The following FRMD4A variants were observed in gnomAD, a reference collection of about 807,000 sequenced individuals.
FRMD4A encodes FERM domain containing 4A.
Under a neutral mutation model 129.1 loss-of-function variants are expected in FRMD4A, and 29 were observed. The ratio of observed to expected loss-of-function variants is 0.22; its 90% CI spans 0.17 to 0.31. The LOEUF (loss-of-function observed/expected upper bound fraction) is 0.31. Ranked by LOEUF, FRMD4A falls within the 10% of genes least tolerant of loss-of-function variation. FRMD4A has a pLI of 1.00. For missense variants in FRMD4A, 1,272 were observed against 1,375.8 expected (o/e 0.92, Z 1.19); for synonymous variants, 634 against 571.6 (o/e 1.11, Z -1.56).
intron 2 of FRMD4A, among the ~76,000 whole-genome samples, chr10:14,183,903 A>G (rs1295306234): frequency 7.2e-5 from 11 of 152,226 alleles, no homozygotes; most frequent in Non-Finnish European, 1.6e-4. Flanking sequence ...AACTTTGTGA[A>G]CAGTATTGAC....
At chr10:13,998,968 G>T (rs910639264) in intron 2 of FRMD4A, among the ~76,000 whole-genome samples, 4 of 152,132 alleles carry the variant, frequency 2.6e-5, no homozygotes, top group Admixed American at 2.0e-4. Flanking sequence ...TGCCAGCTGG[G>T]CTCCTAACTC....
At chr10:14,144,828 G>C (rs897993485) in intron 2 of FRMD4A, among the ~76,000 whole-genome samples, 1 of 152,120 alleles carries the variant, frequency 6.6e-6, no homozygotes, top group African/African-American at 2.4e-5. Flanking sequence ...GTGATGAAGA[G>C]CAGCAGAGGA....
intron 2 of FRMD4A, among the ~76,000 whole-genome samples, chr10:14,231,637 T>C (rs950233168): frequency 6.6e-6 from 1 of 152,222 alleles, no homozygotes; most frequent in African/African-American, 2.4e-5. Context: ...TGAGCCACTG[T>C]GCCCGGCCTC....
At chr10:13,686,306 G>A (rs779542449) in intron 15 of FRMD4A, among the ~76,000 whole-genome samples, 2 of 152,254 alleles carry the variant, frequency 1.3e-5, no homozygotes, top group Middle Eastern at 3.2e-3. Context: ...GAAAAACGTC[G>A]TGTGATTTAT....
intron 24 of FRMD4A, chr10:13,647,469 T>C (rs1352311694): frequency 6.6e-6 from 1 of 152,128 alleles, no homozygotes; most frequent in Non-Finnish European, 1.5e-5. Context: ...AGGGGACTTT[T>C]CCCACACGAC....
At chr10:14,197,892 T>C (rs746166848) in intron 2 of FRMD4A, among the ~76,000 whole-genome samples, 7 of 152,216 alleles carry the variant, frequency 4.6e-5, no homozygotes, top group Non-Finnish European at 1.5e-5. Context: ...CAGAATATTC[T>C]ACTTATTCAT....
intron 8 of FRMD4A, chr10:13,756,120 A>G (rs1178967185): frequency 6.6e-6 from 1 of 152,344 alleles, no homozygotes; most frequent in East Asian, 1.9e-4. Flanking sequence ...CAGTCCTCGG[A>G]AACAAAAATA....
intron 5 of FRMD4A, among the ~76,000 whole-genome samples, chr10:13,792,516 G>A (rs4750415): frequency 0.082 from 12,509 of 152,140 alleles, 735 homozygotes; most frequent in South Asian, 0.16. Context: ...ACCTCATCTC[G>A]CCTTCGTAAC....
chr10:13,941,660 G>T (rs11258739), intron 2 of FRMD4A, among the ~76,000 whole-genome samples: 14,447 of 152,224 alleles, frequency 0.095, 803 homozygotes, highest in Middle Eastern at 0.17. Flanking sequence ...ATTTGTGCTT[G>T]CCCTCAGACA....
At chr10:13,713,708 G>C (rs2088275043) in intron 12 of FRMD4A, among the ~76,000 whole-genome samples, 3 of 149,950 alleles carry the variant, frequency 2.0e-5, no homozygotes, top group African/African-American at 7.4e-5. Flanking sequence ...ATGTGCCCTG[G>C]TAAGGTTTTG....
chr10:13,769,761 G>A (rs1310067587), intron 6 of FRMD4A, among the ~76,000 whole-genome samples: 2 of 152,236 alleles, frequency 1.3e-5, no homozygotes, highest in Non-Finnish European at 2.9e-5. Flanking sequence ...ACAAAAGATG[G>A]AGGGTGGAGG....
intron 2 of FRMD4A, among the ~76,000 whole-genome samples, chr10:14,180,786 C>G (rs1434049767): frequency 6.6e-6 from 1 of 152,240 alleles, no homozygotes; most frequent in African/African-American, 2.4e-5. Flanking sequence ...ATTTCTGTGG[C>G]TCACCCATGC....
chr10:13,846,447 G>A (rs2094046945), intron 3 of FRMD4A, among the ~76,000 whole-genome samples: 1 of 152,198 alleles, frequency 6.6e-6, no homozygotes, highest in African/African-American at 2.4e-5. Context: ...TGGGCTTGGG[G>A]GTGAAGGTGA....
intron 2 of FRMD4A, among the ~76,000 whole-genome samples, chr10:14,140,372 G>A (rs796999401): frequency 1.4e-4 from 21 of 152,230 alleles, no homozygotes; most frequent in Middle Eastern, 6.8e-3. Context: ...CGGAAAATGC[G>A]TTTTAAACAA....
chr10:13,661,954 C>T (rs532092222), intron 19 of FRMD4A, among the ~76,000 whole-genome samples: 38 of 152,290 alleles, frequency 2.5e-4, no homozygotes, highest in Admixed American at 2.2e-3. Flanking sequence ...GAAGAGTCCC[C>T]AGAAAGAGAC....
intron 2 of FRMD4A, among the ~76,000 whole-genome samples, chr10:14,091,267 ATC>A (rs953187177): frequency 1.3e-5 from 2 of 152,138 alleles, no homozygotes; most frequent in African/African-American, 4.8e-5. Flanking sequence ...CAGTAAAGGT[ATC>A]TCTCACATGG....
chr10:13,662,578 A>G (rs1156582227), intron 19 of FRMD4A, among the ~76,000 whole-genome samples: 1 of 152,120 alleles, frequency 6.6e-6, no homozygotes, highest in East Asian at 1.9e-4. Context: ...TCCCCGACGT[A>G]TGGTGGTGAT....
intron 2 of FRMD4A, among the ~76,000 whole-genome samples, chr10:13,947,294 C>T (rs2095339036): frequency 6.6e-6 from 1 of 152,106 alleles, no homozygotes; most frequent in African/African-American, 2.4e-5. Flanking sequence ...TAATCTTCAC[C>T]AGACCGCTAT....
intron 2 of FRMD4A, among the ~76,000 whole-genome samples, chr10:14,155,124 A>C (rs1238122045): frequency 6.6e-6 from 1 of 152,172 alleles, no homozygotes; most frequent in Non-Finnish European, 1.5e-5. Flanking sequence ...TCTCATCTCT[A>C]CAAACATATT....
Sources: gnomAD v4.1 joint callset for allele counts (sites outside exome capture counted in the v4.1 genomes callset) on GRCh38, gnomAD v4.1.1 for gene constraint, MANE v1.5 for transcripts, NCBI Gene and HGNC (gene_info 2026-07-23, HGNC 2026-07-21) for gene names.